ANO2: variants seen among roughly 807,000 people sequenced by gnomAD.
ANO2 encodes the protein anoctamin 2, also known as anoctamin-2.
Under a neutral mutation model 124.2 loss-of-function variants are expected in ANO2, and 101 were observed. The ratio of observed to expected loss-of-function variants is 0.81; its 90% confidence interval spans 0.69 to 0.96. ANO2 has a LOEUF of 0.96. Ranked by LOEUF, ANO2 falls within the 40% of genes least tolerant of loss-of-function variation. The probability of loss-of-function intolerance (pLI) is 0.00; values close to 1 mark genes in which losing one functional copy is unlikely to be tolerated. For synonymous variants in ANO2, 486 were observed against 482.5 expected (o/e 1.01, Z -0.09); for missense variants, 1,293 against 1,274.5 (o/e 1.01, Z -0.22).
chr12:5,932,911 C>A (rs1942483803), intron 1 of ANO2, among the ~76,000 whole-genome samples: 1 of 152,150 alleles, frequency 6.6e-6, no homozygotes, highest in African/African-American at 2.4e-5. Context: ...ATTAACTAGG[C>A]ATCTACCAAT....
At chr12:5,625,510 G>C (rs1341006713) in intron 16 of ANO2, among the ~76,000 whole-genome samples, 3 of 152,018 alleles carry the variant, frequency 2.0e-5, no homozygotes. Flanking sequence ...TCGGTGAAAG[G>C]CACCAGGTTT....
intron 3 of ANO2, among the ~76,000 whole-genome samples, chr12:5,861,609 G>A (rs1955272202): frequency 6.6e-6 from 1 of 152,154 alleles, no homozygotes; most frequent in Non-Finnish European, 1.5e-5. Flanking sequence ...GACCCAAGGG[G>A]CCTGAGTGTA....
intron 3 of ANO2, among the ~76,000 whole-genome samples, chr12:5,888,752 C>T (rs547521099): frequency 3.0e-3 from 454 of 151,662 alleles, no homozygotes; most frequent in African/African-American, 0.011. Context: ...TACAGAGTGC[C>T]AATTGGTGTA....
intron 14 of ANO2, among the ~76,000 whole-genome samples, chr12:5,686,569 C>G (rs113581165): frequency 1.3e-5 from 2 of 152,142 alleles, no homozygotes; most frequent in African/African-American, 2.4e-5. Flanking sequence ...CAGAAGCACA[C>G]AGGGGAGCGA....
At chr12:5,597,554 T>C (rs1201203223) in intron 20 of ANO2, among the ~76,000 whole-genome samples, 1 of 152,172 alleles carries the variant, frequency 6.6e-6, no homozygotes, top group Non-Finnish European at 1.5e-5. Context: ...ATACATAAAC[T>C]AGAAAACTTT....
intron 3 of ANO2, among the ~76,000 whole-genome samples, chr12:5,866,279 G>T (rs372148347): frequency 1.3e-5 from 2 of 152,186 alleles, no homozygotes; most frequent in African/African-American, 4.8e-5. Context: ...CAGCAAGGGG[G>T]ATCAGTGAGA....
chr12:5,849,572 G>T (rs1316949777), intron 4 of ANO2, among the ~76,000 whole-genome samples: 1 of 152,132 alleles, frequency 6.6e-6, no homozygotes, highest in Non-Finnish European at 1.5e-5. Flanking sequence ...ACAAAATGCT[G>T]GCTCTTCTGT....
intron 14 of ANO2, among the ~76,000 whole-genome samples, chr12:5,649,773 A>C (rs1591818057): frequency 6.9e-6 from 1 of 145,672 alleles, no homozygotes; most frequent in Non-Finnish European, 1.5e-5. Context: ...CCCCCAGCTA[A>C]GTTTGTGCAT....
Position 5,621,981 on chromosome 12 carries a change from G to A in ANO2, c.1817-6684C>T, listed in dbSNP as rs118033348. Among the ~76,000 whole-genome samples, 435 of 152,100 alleles carry A rather than the reference G, an allele frequency of 2.9e-3. 1 individual carries two copies. The highest frequency in any genetic ancestry group is 4.3e-3 in the Non-Finnish European group (291 of 67,994). ...TGAGCCTCTGTCCAGGGTGCCTGAG[G>A]CATCCAATTTAACAACAACACAATC... On this transcript the variant is annotated intron_variant, in intron 16 of 24. Transcript: ENST00000682330.
intron 12 of ANO2, among the ~76,000 whole-genome samples, chr12:5,742,949 G>A (rs1951146529): frequency 6.6e-6 from 1 of 151,916 alleles, no homozygotes; most frequent in African/African-American, 2.4e-5. Context: ...TCCAGCTCTC[G>A]ATGGGCTGAA....
intron 10 of ANO2, among the ~76,000 whole-genome samples, chr12:5,798,443 A>G (rs1952938280): frequency 6.6e-6 from 1 of 152,144 alleles, no homozygotes. Context: ...CTTTCCAAGC[A>G]GAAGCTGGAA....
intron 1 of ANO2, among the ~76,000 whole-genome samples, chr12:5,938,696 G>T (rs191427114): frequency 7.2e-5 from 11 of 152,210 alleles, no homozygotes; most frequent in African/African-American, 2.4e-4. Context: ...GTGGTGGCAG[G>T]CACCTGTAAT....
chr12:5,845,463 A>G (rs916650935), intron 4 of ANO2, among the ~76,000 whole-genome samples: 1 of 150,220 alleles, frequency 6.7e-6, no homozygotes, highest in African/African-American at 2.5e-5. Flanking sequence ...GCTACTCAGG[A>G]GGCTGAGGCC....
chr12:5,787,048 G>A lies in ANO2; in HGVS notation c.1055+12459C>T, dbSNP rs1952560559. On this transcript the variant is annotated intron_variant, in intron 10 of 24. Transcript: ENST00000682330. The surrounding 1 kb of genome is among the most constrained non-coding windows in gnomAD (Gnocchi z 4.2). ...GGAGCACAACCTGGTGAGACCATAG[G>A]TTAGTTATGATGTCAGGGGGATGAG... Among the ~76,000 whole-genome samples, 1 of 152,166 alleles carries A rather than the reference G, an allele frequency of 6.6e-6. No individual in the cohort carries two copies. The highest frequency in any genetic ancestry group is 1.5e-5 in the Non-Finnish European group (1 of 68,038).
At chr12:5,785,656 T>TGTAC (rs1555163961) in intron 10 of ANO2, among the ~76,000 whole-genome samples, 3 of 149,606 alleles carry the variant, frequency 2.0e-5, no homozygotes, top group Admixed American at 1.3e-4. Flanking sequence ...AGTCCTCTTG[T>TGTAC]ACACACACAC....
At chr12:5,738,247 C>G (rs1326971710) in intron 13 of ANO2, among the ~76,000 whole-genome samples, 2 of 152,238 alleles carry the variant, frequency 1.3e-5, no homozygotes, top group Non-Finnish European at 2.9e-5. Context: ...TGGGGACATA[C>G]AGGCTTAGGA....
intron 3 of ANO2, among the ~76,000 whole-genome samples, chr12:5,906,347 TAAAA>T (rs751453765): frequency 2.3e-5 from 3 of 132,720 alleles, no homozygotes; most frequent in South Asian, 2.5e-4. Context: ...CACACATTGT[TAAAA>T]AAAAAAAAAA....
Position 5,922,630 on chromosome 12 carries a change from C to T in ANO2, c.197G>A (p.Arg66His), listed in dbSNP as rs368125515. The change falls in exon 2 of 25, where the codon CGC (arginine) becomes CAC (histidine). Residue 66 changes from arginine (R) to histidine (H), a missense_variant. Coordinates refer to ENST00000682330, the MANE Select transcript of ANO2 (RefSeq NM_001364791.2). ...CCGCCCAGTACTCACAGAGCTGCTG[C>T]GGGTGCTCTCTCCACCGCAGGGCTG... ...PGQPCGGEST[R>H]SSSVINNYLD... 29 of 1,461,324 alleles carry T rather than the reference C, an allele frequency of 2.0e-5. No homozygotes were observed. Among genetic ancestry groups the T allele is most frequent in the South Asian group, 4.8e-5 (4 of 83,114 alleles). 90.5% of individuals were successfully genotyped at this position (1,461,324 alleles called of 1,614,324 possible). A position where few individuals can be genotyped will look rare whatever the true frequency, so the allele number is the denominator to read the frequency against.
intron 3 of ANO2, among the ~76,000 whole-genome samples, chr12:5,907,984 T>G (rs1940808156): frequency 6.6e-6 from 1 of 152,214 alleles, no homozygotes; most frequent in Admixed American, 6.5e-5. Context: ...TTGGTCTGAA[T>G]GCAACCTCCC....
Sources: allele counts gnomAD v4.1 joint callset (sites outside exome capture counted in the v4.1 genomes callset), GRCh38; gene constraint gnomAD v4.1.1; non-coding constraint Gnocchi (gnomAD v3.1); transcripts MANE v1.5; gene names NCBI Gene and HGNC (gene_info 2026-07-23, HGNC 2026-07-21).